IL19: variants seen among roughly 807,000 people sequenced by gnomAD.
IL19 encodes interleukin 19, also known as interleukin-19.
IL19 carries 15 observed loss-of-function variants against 19.5 expected under a neutral mutation model. The ratio of observed to expected loss-of-function variants is 0.77; its 90% CI spans 0.52 to 1.19. The LOEUF (loss-of-function observed/expected upper bound fraction) is 1.19. Ranked by LOEUF, IL19 falls within the 50% of genes most tolerant of loss-of-function variation. IL19 has a pLI of 0.00. For synonymous variants in IL19, 78 were observed against 78.3 expected, an observed-to-expected ratio of 1.00 and a Z score of 0.02; for missense variants, 199 against 213.1, an observed-to-expected ratio of 0.93 and a Z score of 0.41.
intron 1 of IL19, among the ~76,000 whole-genome samples, chr1:206,780,051 C>T (rs1204935101): frequency 9.7e-6 from 1 of 103,376 alleles, no homozygotes; most frequent in African/African-American, 3.1e-5. Context: ...TCCTGCTCTC[C>T]TCCTGTCTTC....
chr1:206,801,434 T>C (rs12042283), intron 2 of IL19, among the ~76,000 whole-genome samples: 60,650 of 152,098 alleles, frequency 0.4, 12,579 homozygotes, highest in East Asian at 0.68. Context: ...ACCTGGTCCT[T>C]GTCTCTTTCC....
At chr1:206,793,532 G>C (rs1342709239) in intron 1 of IL19, among the ~76,000 whole-genome samples, 1 of 152,188 alleles carries the variant, frequency 6.6e-6, no homozygotes, top group African/African-American at 2.4e-5. Context: ...TCAGACCTCT[G>C]TCAAGGTGCT....
At chr1:206,774,037 C>T (rs1413308957) in intron 1 of IL19, among the ~76,000 whole-genome samples, 1 of 152,184 alleles carries the variant, frequency 6.6e-6, no homozygotes, top group Non-Finnish European at 1.5e-5. Context: ...TCTGCATCAG[C>T]AATGGGACAA....
At chr1:206,782,297 CAACTGCTCT>C (rs1675166125) in intron 1 of IL19, among the ~76,000 whole-genome samples, 1 of 152,060 alleles carries the variant, frequency 6.6e-6, no homozygotes. Context: ...AGGATCCTCA[CAACTGCTCT>C]TACATGCGGT....
At chr1:206,787,414 T>A (rs1675292799) in intron 1 of IL19, among the ~76,000 whole-genome samples, 1 of 152,222 alleles carries the variant, frequency 6.6e-6, no homozygotes, top group Non-Finnish European at 1.5e-5. Flanking sequence ...TTGTGTGTAT[T>A]TCATCCCTGT....
At chr1:206,836,189 A>G (rs2243169) in intron 2 of IL19, among the ~76,000 whole-genome samples, 6,454 of 152,320 alleles carry the variant, frequency 0.042, 504 homozygotes, top group African/African-American at 0.15. Context: ...GAGGTTTATA[A>G]TAAAAGGGTG....
In IL19 at chr1:206,795,768, G is replaced by T. The variant is rs560789508; in HGVS notation, c.-148-3093G>T. On this transcript the variant is annotated intron_variant, in intron 1 of 6. Coordinates refer to ENST00000659997, the MANE Select transcript of IL19 (RefSeq NM_153758.5). ...AAGTTATCCCCCATAGCCCACTCTTGTTCCATCAGTTGTGTCTGAATCAAA... is the reference window on the plus strand; with the variant it reads ...AAGTTATCCCCCATAGCCCACTCTTTTTCCATCAGTTGTGTCTGAATCAAA... Among the ~76,000 whole-genome samples, 251 of 152,184 alleles carry T rather than the reference G, an allele frequency of 1.6e-3. 1 individual carries two copies. The highest frequency in any genetic ancestry group is 2.2e-3 in the Non-Finnish European group (153 of 68,000).
chr1:206,814,823 A>G (rs998598296), intron 2 of IL19, among the ~76,000 whole-genome samples: 3 of 152,142 alleles, frequency 2.0e-5, no homozygotes, highest in African/African-American at 7.2e-5. Flanking sequence ...GCAGAAGAAA[A>G]AGCAAATGGA....
chr1:206,791,324 T>C (rs1266903945), intron 1 of IL19, among the ~76,000 whole-genome samples: 1 of 141,506 alleles, frequency 7.1e-6, no homozygotes, highest in Non-Finnish European at 1.5e-5. Flanking sequence ...TTTTTTTAGA[T>C]GGAGTTTCGG....
At chr1:206,776,736 T>C (rs2102444584) in intron 1 of IL19, among the ~76,000 whole-genome samples, 2 of 151,596 alleles carry the variant, frequency 1.3e-5, no homozygotes, top group South Asian at 2.1e-4. Flanking sequence ...AAATGCTAAT[T>C]AGGCAAAAAC....
At chr1:206,811,319 C>T (rs574744585) in intron 2 of IL19, among the ~76,000 whole-genome samples, 217 of 152,016 alleles carry the variant, frequency 1.4e-3, no homozygotes, top group Non-Finnish European at 2.6e-3. Context: ...TGGCAGGAAA[C>T]TGTAGTCCCA....
intron 1 of IL19, among the ~76,000 whole-genome samples, chr1:206,792,164 TAAAA>T (rs1200755442): frequency 6.6e-6 from 1 of 152,164 alleles, no homozygotes; most frequent in Non-Finnish European, 1.5e-5. Context: ...GGGAACAGCA[TAAAA>T]ATTCCACCCT....
intron 1 of IL19, among the ~76,000 whole-genome samples, chr1:206,785,761 A>AC (rs1266397770): frequency 1.3e-5 from 2 of 152,012 alleles, no homozygotes; most frequent in Non-Finnish European, 2.9e-5. Flanking sequence ...AATCTCATAG[A>AC]CCCCCAGCTC....
At chr1:206,775,715 G>A (rs1030114889) in intron 1 of IL19, among the ~76,000 whole-genome samples, 1 of 152,174 alleles carries the variant, frequency 6.6e-6, no homozygotes, top group Admixed American at 6.5e-5. Context: ...GGGTCCACGG[G>A]GAAAAGTCCC....
intron 2 of IL19, among the ~76,000 whole-genome samples, chr1:206,803,179 A>G (rs1225661902): frequency 6.6e-6 from 1 of 152,180 alleles, no homozygotes; most frequent in Admixed American, 6.5e-5. Flanking sequence ...CAGAGAGTCT[A>G]CACATTGAGG....
chr1:206,838,824 C>G (rs866301835), intron 4 of IL19, among the ~76,000 whole-genome samples: 2 of 148,970 alleles, frequency 1.3e-5, no homozygotes, highest in Non-Finnish European at 3.0e-5. Flanking sequence ...TCCTTTCTCA[C>G]TCCCACCTTC....
chr1:206,776,242 G>T (rs562512374), intron 1 of IL19, among the ~76,000 whole-genome samples: 1 of 152,106 alleles, frequency 6.6e-6, no homozygotes, highest in African/African-American at 2.4e-5. Flanking sequence ...TCCAGGACCC[G>T]TTTTTTCTGC....
At chr1:206,838,676 G>T (rs1484295245) in intron 4 of IL19, among the ~76,000 whole-genome samples, 2 of 151,954 alleles carry the variant, frequency 1.3e-5, no homozygotes, top group East Asian at 3.9e-4. Context: ...CTCAAGGTTG[G>T]GAAGTAGCTC....
intron 2 of IL19, among the ~76,000 whole-genome samples, chr1:206,814,261 C>A (rs1479198965): frequency 1.3e-5 from 2 of 151,702 alleles, no homozygotes; most frequent in African/African-American, 4.9e-5. Flanking sequence ...CAGATTGCAG[C>A]CAGTAAATAT....
Sources: gnomAD v4.1 joint callset for allele counts (sites outside exome capture counted in the v4.1 genomes callset) on GRCh38, gnomAD v4.1.1 for gene constraint, MANE v1.5 for transcripts, NCBI Gene and HGNC (gene_info 2026-07-23, HGNC 2026-07-21) for gene names.